The following ZHX2 variants were observed in gnomAD, a reference collection of about 807,000 sequenced individuals.
ZHX2 encodes the protein zinc fingers and homeoboxes protein 2.
Under a neutral mutation model 21.9 loss-of-function variants are expected in ZHX2, and 6 were observed. The ratio of observed to expected loss-of-function variants is 0.27; its 90% CI spans 0.15 to 0.54. ZHX2 has a LOEUF of 0.54. Ranked by LOEUF, ZHX2 falls within the 20% of genes least tolerant of loss-of-function variation. ZHX2 has a pLI of 0.95. For missense variants in ZHX2, 908 were observed against 1,090.7 expected (o/e 0.83, Z 2.36); for synonymous variants, 434 against 437.1 (o/e 0.99, Z 0.09).
chr8:122,930,801 C>T (rs1820970688), intron 2 of ZHX2, among the ~76,000 whole-genome samples: 1 of 151,954 alleles, frequency 6.6e-6, no homozygotes, highest in Non-Finnish European at 1.5e-5. Context: ...GAGAGACCAT[C>T]TAAAAGATGG....
At position 122,785,181 on chromosome 8, in the gene ZHX2, C is replaced by T. The variant is rs1481394994; in HGVS notation, c.-283+3235C>T. On this transcript the variant is annotated intron_variant, in intron 1 of 3. Transcript: ENST00000314393. ...CTAGAGGTGGGAGCAGCTGAACTGCCCCATGAATGAAGAGGAACAATGTCC... is the reference window on the plus strand; with the variant it reads ...CTAGAGGTGGGAGCAGCTGAACTGCTCCATGAATGAAGAGGAACAATGTCC... Among the ~76,000 whole-genome samples the T allele has an allele frequency of 2.0e-5, 3 of 152,204 alleles. No homozygotes were observed. In the East Asian group the frequency reaches 5.8e-4, roughly 29 times the overall value.
intron 1 of ZHX2, among the ~76,000 whole-genome samples, chr8:122,789,550 G>A (rs1014084003): frequency 2.6e-5 from 4 of 152,252 alleles, no homozygotes; most frequent in South Asian, 2.1e-4. Context: ...GTTTTTTGTG[G>A]CAGTGGTGGT....
chr8:122,878,433 G>A (rs1475142150), intron 2 of ZHX2, among the ~76,000 whole-genome samples: 3 of 152,162 alleles, frequency 2.0e-5, no homozygotes, highest in Non-Finnish European at 2.9e-5. Flanking sequence ...ATCTTAGGGG[G>A]TTTTCTGGAT....
chr8:122,839,886 A>G lies in ZHX2; in HGVS notation c.-282-23591A>G, dbSNP rs570316403. Reference sequence around the variant, plus strand: ...AAACTTTGTGTTGTGGAGAAGGTGGACATTGATGGGACCCTCTATTCTGAG... The same window carrying G: ...AAACTTTGTGTTGTGGAGAAGGTGGGCATTGATGGGACCCTCTATTCTGAG... On this transcript the variant is annotated intron_variant, in intron 1 of 3. Coordinates refer to ENST00000314393, the MANE Select transcript of ZHX2 (RefSeq NM_014943.5). Among the ~76,000 whole-genome samples, 117 of 152,312 alleles carry G rather than the reference A, an allele frequency of 7.7e-4. 1 individual carries two copies. The highest frequency in any genetic ancestry group is 2.8e-3 in the African/African-American group (115 of 41,560).
intron 3 of ZHX2, among the ~76,000 whole-genome samples, chr8:122,968,684 CA>C (rs1257947723): frequency 5.9e-5 from 9 of 151,622 alleles, no homozygotes; most frequent in Non-Finnish European, 1.3e-4. Flanking sequence ...ACTAAAAATA[CA>C]AAAATTAGCC....
At chr8:122,890,772 A>G (rs1819957489) in intron 2 of ZHX2, among the ~76,000 whole-genome samples, 1 of 152,120 alleles carries the variant, frequency 6.6e-6, no homozygotes, top group South Asian at 2.1e-4. Context: ...TTATTGGTAT[A>G]TGGAAACACT....
At chr8:122,833,816 G>A (rs1818436153) in intron 1 of ZHX2, among the ~76,000 whole-genome samples, 1 of 152,100 alleles carries the variant, frequency 6.6e-6, no homozygotes, top group African/African-American at 2.4e-5. Context: ...CTAACACGGT[G>A]AAACCTCATC....
intron 1 of ZHX2, among the ~76,000 whole-genome samples, chr8:122,790,883 C>T (rs1368658931): frequency 2.6e-5 from 4 of 152,228 alleles, no homozygotes; most frequent in African/African-American, 9.6e-5. Flanking sequence ...GCTGGGATTA[C>T]AGGCATGAGC....
chr8:122,811,313 C>G (rs536284640), intron 1 of ZHX2, among the ~76,000 whole-genome samples: 6 of 152,048 alleles, frequency 3.9e-5, no homozygotes, highest in Non-Finnish European at 5.9e-5. Context: ...CCCAGGAGGT[C>G]GAGGCTGCAG....
chr8:122,794,394 G>T (rs565661242), intron 1 of ZHX2, among the ~76,000 whole-genome samples: 1 of 151,496 alleles, frequency 6.6e-6, no homozygotes, highest in Non-Finnish European at 1.5e-5. Context: ...TACCAAATTT[G>T]TTCATGTTTC....
chr8:122,891,740 T>C (rs1003465095), intron 2 of ZHX2, among the ~76,000 whole-genome samples: 4 of 152,178 alleles, frequency 2.6e-5, no homozygotes, highest in African/African-American at 9.7e-5. Flanking sequence ...GTTTCCAAAG[T>C]TTTTGTGGTT....
Position 122,955,076 on chromosome 8 carries a change from G to C in ZHX2, c.*4+1048G>C, listed in dbSNP as rs751827746. Among the ~76,000 whole-genome samples, 53 of 95,656 alleles carry C rather than the reference G, an allele frequency of 5.5e-4. 2 individuals are homozygous for C. The highest frequency in any genetic ancestry group is 3.2e-3 in the South Asian group (5 of 1,566). 62.8% of individuals were successfully genotyped at this position (95,656 alleles called of 152,430 possible). On this transcript the variant is annotated intron_variant, in intron 3 of 3. Coordinates refer to ENST00000314393, the MANE Select transcript of ZHX2 (RefSeq NM_014943.5). ...CTGTAGAGTCACATAAGCCGGGGGG[G>C]GGGGGGTGGCAGGGCGGTTTCCATG...
upstream of ZHX2, chr8:122,781,362 G>T (rs978961597): frequency 6.6e-6 from 1 of 152,252 alleles, no homozygotes; most frequent in Non-Finnish European, 1.5e-5. The surrounding 1 kb of genome is among the most constrained non-coding windows in gnomAD (Gnocchi z 4.6). Context: ...GCGCGGGGTC[G>T]TGCTTAATAT....
intron 1 of ZHX2, among the ~76,000 whole-genome samples, chr8:122,849,820 A>G (rs1349690026): frequency 1.3e-5 from 2 of 152,186 alleles, no homozygotes; most frequent in African/African-American, 4.8e-5. Flanking sequence ...ACACTCATCT[A>G]TCAAATGAGG....
At chr8:122,792,856 G>A (rs1349355518) in intron 1 of ZHX2, among the ~76,000 whole-genome samples, 2 of 152,298 alleles carry the variant, frequency 1.3e-5, no homozygotes, top group African/African-American at 2.4e-5. Context: ...CCGAGAGTGT[G>A]TCCTTAAATT....
intron 2 of ZHX2, among the ~76,000 whole-genome samples, chr8:122,880,669 G>C (rs572540542): frequency 1.6e-3 from 237 of 151,954 alleles, no homozygotes; most frequent in African/African-American, 5.3e-3. Context: ...CAGCTATTCA[G>C]GAGGCAGAGG....
intron 2 of ZHX2, among the ~76,000 whole-genome samples, chr8:122,914,219 C>T (rs540845088): frequency 6.6e-6 from 1 of 152,374 alleles, no homozygotes; most frequent in Non-Finnish European, 1.5e-5. Flanking sequence ...CAGCTGCTCT[C>T]ATCCTGCTGC....
chr8:122,960,644 A>C (rs560648481), intron 3 of ZHX2, among the ~76,000 whole-genome samples: 1 of 152,284 alleles, frequency 6.6e-6, no homozygotes, highest in Non-Finnish European at 1.5e-5. Flanking sequence ...GGAGGGGAAG[A>C]ATATTCCAGA....
intron 1 of ZHX2, among the ~76,000 whole-genome samples, chr8:122,810,761 GA>G (rs1817910333): frequency 6.6e-6 from 1 of 151,986 alleles, no homozygotes; most frequent in Admixed American, 6.6e-5. Flanking sequence ...TGTTGTATGT[GA>G]AATGGAATAT....
Sources: gnomAD v4.1 joint callset for allele counts (sites outside exome capture counted in the v4.1 genomes callset) on GRCh38, gnomAD v4.1.1 for gene constraint, Gnocchi (gnomAD v3.1) non-coding constraint, MANE v1.5 for transcripts, NCBI Gene and HGNC (gene_info 2026-07-23, HGNC 2026-07-21) for gene names.